PLEKHG1: variants seen among roughly 807,000 people sequenced by gnomAD.
PLEKHG1 encodes the protein pleckstrin homology domain-containing family G member 1.
A neutral mutation model predicts 100.8 loss-of-function variants in PLEKHG1; 44 were observed. The observed-to-expected ratio is 0.44, with a 90% CI of 0.34 to 0.56. The LOEUF is 0.56. Ranked by LOEUF, PLEKHG1 falls within the 20% of genes least tolerant of loss-of-function variation. PLEKHG1 has a pLI of 0.01. For missense variants in PLEKHG1, 1,545 were observed against 1,720.9 expected (o/e 0.90, Z 1.81); for synonymous variants, 640 against 662.5 (o/e 0.97, Z 0.52).
chr6:150,714,426 A>C (rs938432842), intron 3 of PLEKHG1, among the ~76,000 whole-genome samples: 3 of 152,186 alleles, frequency 2.0e-5, no homozygotes, highest in Non-Finnish European at 4.4e-5. Context: ...AAGATTTTAG[A>C]GTCTGGAACG....
intron 2 of PLEKHG1, among the ~76,000 whole-genome samples, chr6:150,745,634 GA>G (rs1300570699): frequency 4.7e-5 from 7 of 149,558 alleles, no homozygotes; most frequent in Non-Finnish European, 7.4e-5. Context: ...AGTGAGCCTA[GA>G]TCACGCCGCT....
intron 1 of PLEKHG1, among the ~76,000 whole-genome samples, chr6:150,732,711 G>A (rs1015127219): frequency 5.3e-5 from 8 of 152,130 alleles, no homozygotes; most frequent in Non-Finnish European, 8.8e-5. Flanking sequence ...TCTGCCTCCC[G>A]GGTTCAAGCA....
In PLEKHG1 at chr6:150,831,122, C is replaced by T; in HGVS notation, c.2011C>T (p.Leu671=). 2 of 1,613,866 alleles carry T rather than the reference C, an allele frequency of 1.2e-6. No homozygotes were observed. Among genetic ancestry groups the T allele is most frequent in the Non-Finnish European group, 1.7e-6 (2 of 1,179,832 alleles). The stretch of plus-strand genomic sequence containing the variant: ...TAACATCAGTTATGAGGACTTAAAA[C>T]TAATGGTTGCTAAGCGGGAAGAAGC... Residue 671 remains leucine, a synonymous_variant, in exon 15 of 16, where the codon CTA becomes TTA. Coordinates refer to ENST00000358517, the Ensembl canonical transcript of PLEKHG1. The surrounding 1 kb of genome is among the most constrained non-coding windows in gnomAD (Gnocchi z 4.1).
chr6:150,725,578 C>G (rs575661832), intron 1 of PLEKHG1, among the ~76,000 whole-genome samples: 2 of 152,266 alleles, frequency 1.3e-5, no homozygotes, highest in Admixed American at 1.3e-4. Context: ...AATATTTTCT[C>G]CCATTCTGTA....
At chr6:150,731,811 C>T (rs1305388580) in intron 1 of PLEKHG1, among the ~76,000 whole-genome samples, 9 of 152,010 alleles carry the variant, frequency 5.9e-5, no homozygotes, top group Non-Finnish European at 1.2e-4. Context: ...TGTGGAATCT[C>T]GTTATTTGAG....
chr6:150,649,328 C>T lies in PLEKHG1; in HGVS notation c.-157-1400C>T, dbSNP rs1278341441. Among the ~76,000 whole-genome samples the T allele has an allele frequency of 5.3e-5, 8 of 151,992 alleles. No individual in the cohort carries two copies. The East Asian group carries it at 1.2e-3, about 22-fold the overall frequency. ...TTTGTTTTTCAAAAATTTTGGAATC[C>T]GGCACTCTAGTTGGGCTATTTTTAT... On this transcript the variant is annotated intron_variant, in intron 2 of 3. Coordinates refer to the PLEKHG1 transcript ENST00000367326.
At chr6:150,644,334 G>GTTTTTTTTTTTTTTT (rs57840463) in intron 2 of PLEKHG1, among the ~76,000 whole-genome samples, 1,816 of 117,502 alleles carry the variant, frequency 0.015, 97 homozygotes, top group East Asian at 0.018. Context: ...TTCTTTTCGT[G>GTTTTTTTTTTTTTTT]TTTTTTTTTT....
chr6:150,619,018 G>T (rs1469190505), intron 1 of PLEKHG1, among the ~76,000 whole-genome samples: 1 of 152,146 alleles, frequency 6.6e-6, no homozygotes. Context: ...GGGAAGTCAA[G>T]GCTGTGGTTA....
chr6:150,781,491 C>T (rs911727119), intron 3 of PLEKHG1, among the ~76,000 whole-genome samples: 2 of 150,790 alleles, frequency 1.3e-5, no homozygotes, highest in Non-Finnish European at 3.0e-5. Flanking sequence ...GGAGAAGATG[C>T]GAGATTCCAT....
chr6:150,624,134 C>T (rs1777417124), intron 1 of PLEKHG1, among the ~76,000 whole-genome samples: 1 of 152,226 alleles, frequency 6.6e-6, no homozygotes, highest in South Asian at 2.1e-4. Context: ...ATTTATTACA[C>T]ATTTCTCATT....
intron 1 of PLEKHG1, among the ~76,000 whole-genome samples, chr6:150,613,814 A>G (rs1776951235): frequency 6.6e-6 from 1 of 152,178 alleles, no homozygotes; most frequent in Admixed American, 6.5e-5. Context: ...TCCAGCACCA[A>G]ACAGCATCTC....
chr6:150,715,304 A>C lies in PLEKHG1; in HGVS notation c.-98-18280A>C, dbSNP rs372791021. Among the ~76,000 whole-genome samples, 95 of 152,300 alleles carry C rather than the reference A, an allele frequency of 6.2e-4. 1 individual carries two copies. The South Asian group carries it at 0.02, about 32-fold the overall frequency. On this transcript the variant is annotated intron_variant, in intron 3 of 3. Coordinates refer to the PLEKHG1 transcript ENST00000367326. ...GATATTTTCCGGGTTTAGAGTAGAC[A>C]GTCTGGAAGAATGTGTATAGATTTT...
chr6:150,836,822 C>CAAA lies in PLEKHG1; in HGVS notation c.3095-2999_3095-2997dup, dbSNP rs58375227. Among the ~76,000 whole-genome samples the CAAA allele has an allele frequency of 1.2e-3, 154 of 131,280 alleles. 2 individuals carry two copies. Among genetic ancestry groups the CAAA allele is most frequent in the East Asian group, 5.2e-3 (24 of 4,582 alleles). The allele number at this position is 131,280 out of a possible 152,430, so 86.1% of individuals were successfully genotyped here. ...TGGCCAACAGAATAAGACCCTGTCT[C>CAAA]AAAAAAAAAAAAAAGAAAAGAAAAG... On this transcript the variant is annotated intron_variant, in intron 15 of 15. Coordinates refer to ENST00000358517, the Ensembl canonical transcript of PLEKHG1.
chr6:150,718,250 G>T (rs545835428), upstream of PLEKHG1, among the ~76,000 whole-genome samples: 9 of 152,228 alleles, frequency 5.9e-5, no homozygotes, highest in African/African-American at 1.7e-4. Context: ...CAAAAGCCTG[G>T]TGGCAAACCA....
At chr6:150,698,410 G>A (rs74912835) in intron 3 of PLEKHG1, among the ~76,000 whole-genome samples, 4 of 152,040 alleles carry the variant, frequency 2.6e-5, no homozygotes, top group South Asian at 4.1e-4. Flanking sequence ...TGTTGATCAC[G>A]TTATGACAAT....
At chr6:150,712,476 G>A (rs1264202361) in intron 3 of PLEKHG1, among the ~76,000 whole-genome samples, 1 of 152,168 alleles carries the variant, frequency 6.6e-6, no homozygotes, top group African/African-American at 2.4e-5. Flanking sequence ...CAAACCACCA[G>A]TCTTCATATT....
intron 1 of PLEKHG1, among the ~76,000 whole-genome samples, chr6:150,635,935 A>G (rs1431766410): frequency 2.0e-5 from 3 of 152,328 alleles, no homozygotes; most frequent in Non-Finnish European, 4.4e-5. Flanking sequence ...AGTGGCTTAC[A>G]GAAAGCAGGA....
chr6:150,644,203 C>T (rs568433491), intron 2 of PLEKHG1, among the ~76,000 whole-genome samples: 1 of 152,014 alleles, frequency 6.6e-6, no homozygotes, highest in South Asian at 2.1e-4. Context: ...GATTTTCTTG[C>T]TTATAGCCAA....
intron 2 of PLEKHG1, among the ~76,000 whole-genome samples, chr6:150,762,616 G>A (rs556400634): frequency 6.6e-6 from 1 of 152,122 alleles, no homozygotes; most frequent in Non-Finnish European, 1.5e-5. Context: ...TTTCTCTGTG[G>A]TGTGGGGTCT....
Sources: gnomAD v4.1 joint callset for allele counts (sites outside exome capture counted in the v4.1 genomes callset) on GRCh38, gnomAD v4.1.1 for gene constraint, Gnocchi (gnomAD v3.1) non-coding constraint, MANE v1.5 for transcripts, NCBI Gene and HGNC (gene_info 2026-07-23, HGNC 2026-07-21) for gene names.